The following TMEM132D variants were observed in gnomAD, a reference collection of about 807,000 sequenced individuals.
TMEM132D encodes the protein mature OL transmembrane protein.
Under a neutral mutation model 62.3 loss-of-function variants are expected in TMEM132D, and 21 were observed. That is an observed-to-expected ratio of 0.34 (90% CI 0.24 to 0.49). TMEM132D has a LOEUF of 0.49. TMEM132D is among the 20% of genes least tolerant of loss of function. The pLI is 0.99. For synonymous variants in TMEM132D, 621 were observed against 575.6 expected (o/e 1.08, Z -1.13); for missense variants, 1,346 against 1,402.8 (o/e 0.96, Z 0.65).
intron 5 of TMEM132D, among the ~76,000 whole-genome samples, chr12:129,100,563 A>G (rs1385533144): frequency 6.6e-6 from 1 of 152,206 alleles, no homozygotes; most frequent in Non-Finnish European, 1.5e-5. Flanking sequence ...CTTTCCGAGG[A>G]CAAAGTTACT....
intron 2 of TMEM132D, among the ~76,000 whole-genome samples, chr12:129,594,803 C>T (rs927336034): frequency 6.6e-6 from 1 of 152,152 alleles, no homozygotes; most frequent in African/African-American, 2.4e-5. Flanking sequence ...CTAATGTGGC[C>T]TCTGTACATA....
intron 3 of TMEM132D, among the ~76,000 whole-genome samples, chr12:129,524,122 C>T (rs1333733122): frequency 6.6e-6 from 1 of 151,864 alleles, no homozygotes; most frequent in Non-Finnish European, 1.5e-5. Context: ...AGGAGATATA[C>T]CTAATGCTAA....
chr12:129,597,667 T>C (rs557352494), intron 2 of TMEM132D, among the ~76,000 whole-genome samples: 2 of 152,322 alleles, frequency 1.3e-5, no homozygotes, highest in South Asian at 2.1e-4. Context: ...CAAAAATGTA[T>C]AGTCAGGGAA....
intron 4 of TMEM132D, among the ~76,000 whole-genome samples, chr12:129,228,480 A>G (rs1418232969): frequency 1.3e-5 from 2 of 152,102 alleles, no homozygotes; most frequent in Non-Finnish European, 2.9e-5. Flanking sequence ...TATTGCCTTA[A>G]AAAAAATCCT....
chr12:129,259,979 G>A (rs1593314609), intron 4 of TMEM132D, among the ~76,000 whole-genome samples: 1 of 152,286 alleles, frequency 6.6e-6, no homozygotes, highest in African/African-American at 2.4e-5. Flanking sequence ...AGTTTGAGAT[G>A]TGTTAGACCA....
chr12:129,817,669 G>GGTGT (rs140431932), intron 1 of TMEM132D, among the ~76,000 whole-genome samples: 40,030 of 135,448 alleles, frequency 0.3, 6,275 homozygotes, highest in South Asian at 0.35. Context: ...GTGTGTGGGG[G>GGTGT]GTATGTGTGG....
chr12:129,514,432 GCTGACAAATTATGGT>G (rs1295219491), intron 3 of TMEM132D, among the ~76,000 whole-genome samples: 1 of 152,156 alleles, frequency 6.6e-6, no homozygotes, highest in Non-Finnish European at 1.5e-5. Context: ...ATAAACCACA[GCTGACAAATTATGGT>G]CTGAGTTTTG....
intron 1 of TMEM132D, among the ~76,000 whole-genome samples, chr12:129,843,639 C>T (rs1175014545): frequency 9.9e-5 from 15 of 152,118 alleles, no homozygotes; most frequent in Admixed American, 9.2e-4. Flanking sequence ...AGGAAGGGAC[C>T]TTCACAGTAT....
chr12:129,291,337 G>A (rs375201932), intron 4 of TMEM132D, among the ~76,000 whole-genome samples: 104 of 152,212 alleles, frequency 6.8e-4, no homozygotes, highest in African/African-American at 2.4e-3. Flanking sequence ...AGTAATTATG[G>A]TGCAACTTCA....
intron 4 of TMEM132D, among the ~76,000 whole-genome samples, chr12:129,231,802 C>T (rs1263613538): frequency 1.3e-5 from 2 of 152,124 alleles, no homozygotes; most frequent in Non-Finnish European, 2.9e-5. Context: ...CATGAGAAAA[C>T]ATGAACATAG....
At chr12:129,332,826 A>T (rs1869151619) in intron 4 of TMEM132D, among the ~76,000 whole-genome samples, 1 of 152,182 alleles carries the variant, frequency 6.6e-6, no homozygotes, top group South Asian at 2.1e-4. Flanking sequence ...TCGCTAATAT[A>T]TAGAAATAGA....
At chr12:129,301,690 G>C (rs1373865263) in intron 4 of TMEM132D, among the ~76,000 whole-genome samples, 1 of 152,138 alleles carries the variant, frequency 6.6e-6, no homozygotes, top group East Asian at 1.9e-4. Flanking sequence ...TGTTCTAGGT[G>C]ATTTTATGCA....
chr12:129,463,520 AC>A (rs1873760046), intron 3 of TMEM132D, among the ~76,000 whole-genome samples: 2 of 151,586 alleles, frequency 1.3e-5, no homozygotes, highest in Non-Finnish European at 2.9e-5. Context: ...CATGTGCACA[AC>A]ATGCAGGTTT....
chr12:129,458,087 C>T (rs1294625305), intron 3 of TMEM132D, among the ~76,000 whole-genome samples: 1 of 152,190 alleles, frequency 6.6e-6, no homozygotes, highest in Non-Finnish European at 1.5e-5. Context: ...CCTGTCCTTT[C>T]AGACACAAAG....
chr12:129,477,681 C>T lies in TMEM132D; in HGVS notation c.1115+53378G>A, dbSNP rs140587200. ...TAAAAATACAAAGAAATTAGCTGGG[C>T]GTGGTGGTGGGCACCTGTAGTCCCA... On this transcript the variant is annotated intron_variant, in intron 3 of 8. Coordinates refer to ENST00000422113, the MANE Select transcript of TMEM132D (RefSeq NM_133448.3). Among the ~76,000 whole-genome samples the T allele has an allele frequency of 4.2e-3, 635 of 152,064 alleles. 2 individuals are homozygous for T. Among genetic ancestry groups the T allele is most frequent in the African/African-American group, 0.013 (533 of 41,484 alleles).
chr12:129,699,977 G>C lies in TMEM132D; in HGVS notation c.801C>G (p.Ile267Met), dbSNP rs907461232. ...GTGTCTGATAAAGGAAGATGCTCCC[G>C]ATCCTCTGCAAGGGGGGCCCGGACT... The part of the protein sequence containing the change: ...IDESGPPLQR[I>M]GSIFLYQTHR... The change falls in exon 2 of 9, where the codon ATC (isoleucine) becomes ATG (methionine). Residue 267 changes from isoleucine to methionine, a missense_variant. By Grantham distance (10) the Ile-to-Met change is conservative (BLOSUM62 1). Transcript: ENST00000422113. 7 of 1,614,092 alleles carry C rather than the reference G, an allele frequency of 4.3e-6. No homozygotes were observed. The highest frequency in any genetic ancestry group is 5.9e-6 in the Non-Finnish European group (7 of 1,180,034).
chr12:129,229,351 T>C (rs976372607), intron 4 of TMEM132D, among the ~76,000 whole-genome samples: 14 of 152,202 alleles, frequency 9.2e-5, no homozygotes, highest in African/African-American at 3.4e-4. Flanking sequence ...ATAATGAAGG[T>C]TCTTTTAAGA....
At chr12:129,568,648 T>C (rs1422528523) in intron 2 of TMEM132D, among the ~76,000 whole-genome samples, 2 of 152,254 alleles carry the variant, frequency 1.3e-5, no homozygotes, top group East Asian at 3.8e-4. Context: ...TTAAAGTCCT[T>C]GAAACATATT....
chr12:129,525,226 G>GGTTTT lies in TMEM132D; in HGVS notation c.1115+5832_1115+5833insAAAAC, dbSNP rs1336461549. 4.0e-4 allele frequency among the ~76,000 whole-genome samples: 27 copies of GGTTTT among 67,394 alleles called. 7 individuals carry two copies. The highest frequency in any genetic ancestry group is 1.2e-3 in the East Asian group (2 of 1,708). The allele number at this position is 67,394 out of a possible 152,430, so 44.2% of individuals were successfully genotyped here. The stretch of plus-strand genomic sequence containing the variant: ...GGGTATGAGCCACGGTGCCCAGCCG[G>GGTTTT]TTTTTTTTTTTTTTTTTTTTTTTTT... On this transcript the variant is annotated intron_variant, in intron 3 of 8. Coordinates refer to ENST00000422113, the MANE Select transcript of TMEM132D (RefSeq NM_133448.3).
Sources: allele counts gnomAD v4.1 joint callset (sites outside exome capture counted in the v4.1 genomes callset), GRCh38; gene constraint gnomAD v4.1.1; transcripts MANE v1.5; gene names NCBI Gene and HGNC (gene_info 2026-07-23, HGNC 2026-07-21).